The following ACACB variants were observed in gnomAD, a reference collection of about 807,000 sequenced individuals.
ACACB encodes acetyl-CoA carboxylase beta, also known as acetyl-CoA carboxylase 2.
A neutral mutation model predicts 278.8 loss-of-function variants in ACACB; 209 were observed. That is an observed-to-expected ratio of 0.75 (90% CI 0.67 to 0.84). The LOEUF (loss-of-function observed/expected upper bound fraction) is 0.84. ACACB is among the 40% of genes least tolerant of loss of function. The pLI is 0.00. For synonymous variants in ACACB, 1,174 were observed against 1,285.6 expected (o/e 0.91, Z 1.86); for missense variants, 2,850 against 3,269.0 (o/e 0.87, Z 3.13).
rs1042875668 is a variant in ACACB at position 109,266,531 on chromosome 12, G to C, written c.*169G>C. On this transcript the variant is annotated 3_prime_UTR_variant, in exon 53 of 53. Transcript: ENST00000338432. ...GACACCCGTCTTAACAAAAGGCCCA[G>C]GAGTGCCTCTTCCAAACAAAAACAG... 2.6e-6 allele frequency: 2 copies of C among 761,316 alleles called. No individual in the cohort carries two copies. Among genetic ancestry groups the C allele is most frequent in the African/African-American group, 3.7e-5 (2 of 54,670 alleles). The allele number at this position is 761,316 out of a possible 1,614,324, so 47.2% of individuals were successfully genotyped here.
At chr12:109,253,205 G>T (rs2047142358) in intron 43 of ACACB, 47 bp downstream of exon 43, 1 of 1,487,852 alleles carries the variant, frequency 6.7e-7, no homozygotes, top group South Asian at 1.4e-5. Context: ...CTCTTATTAA[G>T]CTCATTGGCT....
At chr12:109,199,013 C>G (rs771835488) in intron 17 of ACACB, among the ~76,000 whole-genome samples, 35 of 151,734 alleles carry the variant, frequency 2.3e-4, no homozygotes, top group Non-Finnish European at 4.7e-4. Context: ...TGGTGAAACC[C>G]CATCTTTACT....
intron 11 of ACACB, among the ~76,000 whole-genome samples, chr12:109,181,872 T>C: frequency 1.7e-5 from 2 of 116,070 alleles, no homozygotes; most frequent in Non-Finnish European, 1.7e-5. Context: ...TGAGAGTGAG[T>C]CTTGCTCTGT....
chr12:109,181,322 G>A (rs1211200817), intron 11 of ACACB, among the ~76,000 whole-genome samples: 4 of 151,046 alleles, frequency 2.6e-5, no homozygotes, highest in African/African-American at 7.3e-5. Context: ...CCACCTCTTG[G>A]GTTCAAGCAA....
At chr12:109,179,449 A>G (rs1469873417) in intron 10 of ACACB, 152 bp downstream of exon 10, 2 of 775,868 alleles carry the variant, frequency 2.6e-6, no homozygotes, top group Non-Finnish European at 4.2e-6. Context: ...TCAGCATCAC[A>G]CAGGTTTATT....
chr12:109,120,755 C>T (rs554877398), intron 1 of ACACB, among the ~76,000 whole-genome samples: 93 of 152,282 alleles, frequency 6.1e-4, no homozygotes, highest in African/African-American at 2.1e-3. Context: ...GTGCCACACA[C>T]GTGCACACCT....
chr12:109,205,892 T>G (rs1349636778), intron 19 of ACACB, among the ~76,000 whole-genome samples: 1 of 152,048 alleles, frequency 6.6e-6, no homozygotes, highest in Non-Finnish European at 1.5e-5. Flanking sequence ...TCATGCACAG[T>G]AGGTATTTGT....
chr12:109,216,774 T>A, intron 23 of ACACB, 22 bp from the exon 24 acceptor site: 1 of 1,614,014 alleles, frequency 6.2e-7, no homozygotes, highest in Non-Finnish European at 8.5e-7. Context: ...TTTACCTCTG[T>A]GTGGTGTTTT....
intron 1 of ACACB, among the ~76,000 whole-genome samples, chr12:109,133,863 ATTTTTTTTTTTT>A (rs67896522): frequency 0.37 from 26,469 of 71,584 alleles, 4,468 homozygotes; most frequent in East Asian, 0.67. Context: ...ATATATATAT[ATTTTTTTTTTTT>A]TTTTTTTCAT....
chr12:109,212,924 A>C lies in ACACB; in HGVS notation c.3338A>C (p.Gln1113Pro), dbSNP rs764594952. 3 of 1,613,942 alleles carry C rather than the reference A, an allele frequency of 1.9e-6. No homozygotes were observed. The African/African-American group carries it at 4.0e-5, about 22-fold the overall frequency. The change falls in exon 22 of 53, where the codon CAG becomes CCG. Residue 1113 changes from glutamine (Q) to proline (P), a missense_variant. Physicochemically the swap from Gln to Pro is moderately conservative, Grantham distance 76. Around this residue, in one of 3 missense-constraint regions of ACACB, gnomAD observed 2,265 missense variants for 2,561.3 expected, o/e 0.88. Coordinates refer to ENST00000338432, the MANE Select transcript of ACACB (RefSeq NM_001093.4). Reference protein sequence around the residue: ...VFFINTQSIVQLVQRYRSGIR... With the variant: ...VFFINTQSIVPLVQRYRSGIR... ...TTCATCAACACCCAGAGCATCGTGC[A>C]GTTGGTCCAGAGGTGAATCCTGGGT...
chr12:109,166,673 AAAAAC>A lies in ACACB; in HGVS notation c.654-187_654-183del, dbSNP rs1285926193. ...TCAAAAAAAAAAAAAAAAAAAAAAA[AAAAAC>A]CGAAGGTGCTTCCTGCCCTTGAGCC... On this transcript the variant is annotated intron_variant, in intron 2 of 52. Transcript: ENST00000338432. 1.1e-4 allele frequency among the ~76,000 whole-genome samples: 15 copies of A among 134,144 alleles called. 2 individuals carry two copies. Among genetic ancestry groups the A allele is most frequent in the South Asian group, 2.4e-4 (1 of 4,136 alleles). The allele number at this position is 134,144 out of a possible 152,430, so 88.0% of individuals were successfully genotyped here.
chr12:109,215,729 G>T (rs956295452), intron 22 of ACACB, among the ~76,000 whole-genome samples: 1 of 152,132 alleles, frequency 6.6e-6, no homozygotes, highest in South Asian at 2.1e-4. Flanking sequence ...TCGTGCCACC[G>T]CACTCCAGCC....
intron 1 of ACACB, among the ~76,000 whole-genome samples, chr12:109,124,709 T>TTG (rs2042635322): frequency 6.6e-6 from 1 of 152,122 alleles, no homozygotes; most frequent in African/African-American, 2.4e-5. Flanking sequence ...GTTGTTGTTG[T>TTG]TTCTGGTTTT....
rs1414536798 is a variant in ACACB at position 109,242,380 on chromosome 12, A to G, written c.5023-57A>G. On this transcript the variant is annotated intron_variant, in intron 36 of 52. Transcript: ENST00000338432. ...TTCATTGAGGACTGGGCAGAAATAA[A>G]TTGGGGGAGATGTGTGATTCTCTCT... is the stretch of plus-strand genomic sequence containing the variant. 3.8e-6 allele frequency: 6 copies of G among 1,567,226 alleles called. No individual in the cohort carries two copies. In the African/African-American group the frequency reaches 6.8e-5, roughly 18 times the overall value.
At chr12:109,206,078 A>T (rs368941249) in intron 19 of ACACB, among the ~76,000 whole-genome samples, 6 of 152,278 alleles carry the variant, frequency 3.9e-5, no homozygotes, top group African/African-American at 1.4e-4. Flanking sequence ...TTTGGGATTC[A>T]ATAGAGAATG....
intron 19 of ACACB, among the ~76,000 whole-genome samples, chr12:109,206,125 A>G (rs2045499144): frequency 6.6e-6 from 1 of 152,148 alleles, no homozygotes; most frequent in South Asian, 2.1e-4. Context: ...TTGATTATAA[A>G]GCAAAACAAC....
intron 39 of ACACB, among the ~76,000 whole-genome samples, 181 bp downstream of exon 39, chr12:109,246,629 G>C (rs541107135): frequency 6.6e-6 from 1 of 152,256 alleles, no homozygotes; most frequent in African/African-American, 2.4e-5. Context: ...CTGTGGCGGG[G>C]GGGATGGTGA....
At position 109,267,406 on chromosome 12, in the gene ACACB, A is replaced by T. The variant is rs2047542670; in HGVS notation, c.*1044A>T. ...GGTCCTCTGCCCACCTCTTCTCTCC[A>T]AGGAAAATGAGGACTGCCCCTTCCC... On this transcript the variant is annotated 3_prime_UTR_variant, in exon 53 of 53. Coordinates refer to ENST00000338432, the MANE Select transcript of ACACB (RefSeq NM_001093.4). 6.6e-6 allele frequency: 1 copy of T among 152,272 alleles called. No individual in the cohort carries two copies. Among genetic ancestry groups the T allele is most frequent in the African/African-American group, 2.4e-5 (1 of 41,446 alleles). 9.4% of individuals were successfully genotyped at this position (152,272 alleles called of 1,614,324 possible).
In ACACB at chr12:109,247,798, T is replaced by G. The variant is rs1593697404; in HGVS notation, c.5669+95T>G. 3.9e-6 allele frequency: 4 copies of G among 1,018,426 alleles called. No homozygotes were observed. In the Admixed American group the frequency reaches 7.5e-5, roughly 19 times the overall value. The allele number at this position is 1,018,426 out of a possible 1,614,324, so 63.1% of individuals were successfully genotyped here. On this transcript the variant is annotated intron_variant, in intron 40 of 52. Transcript: ENST00000338432. ...CTTGTGGCGATATTTTCCAGTGGGG[T>G]GGTGGTGTTTGTATGATGGGAACCA...
Sources: allele counts gnomAD v4.1 joint callset (sites outside exome capture counted in the v4.1 genomes callset), GRCh38; gene constraint gnomAD v4.1.1; regional missense constraint gnomAD v4.1.1; transcripts MANE v1.5; gene names NCBI Gene and HGNC (gene_info 2026-07-23, HGNC 2026-07-21).